The following GABRA4 variants were observed in gnomAD, a reference collection of about 807,000 sequenced individuals.
GABRA4 encodes the protein gamma-aminobutyric acid receptor subunit alpha-4.
GABRA4 carries 12 observed loss-of-function variants against 49.7 expected under a neutral mutation model. The ratio of observed to expected loss-of-function variants is 0.24; its 90% CI spans 0.15 to 0.39. GABRA4 has a LOEUF of 0.39. GABRA4 is among the 10% of genes least tolerant of loss of function. GABRA4 has a pLI of 1.00. For synonymous variants in GABRA4, 288 were observed against 240.2 expected (o/e 1.20, Z -1.84); for missense variants, 506 against 686.0 (o/e 0.74, Z 2.93).
chr4:46,944,318 T>G (rs1419332590), intron 8 of GABRA4, among the ~76,000 whole-genome samples: 1 of 144,790 alleles, frequency 6.9e-6, no homozygotes, highest in South Asian at 2.3e-4. Flanking sequence ...TGTTAAGTAC[T>G]CCAACTTCTT....
At position 46,979,835 on chromosome 4, in the gene GABRA4, T is replaced by C. The variant is rs113306398; in HGVS notation, c.206-737A>G. The stretch of plus-strand genomic sequence containing the variant: ...GTGAGGTTCCCTTTGCTTCTGACAG[T>C]GGCCACTACTGAGACTGTTTCCCGT... On this transcript the variant is annotated intron_variant, in intron 2 of 8. Coordinates refer to ENST00000264318, the MANE Select transcript of GABRA4 (RefSeq NM_000809.4). Among the ~76,000 whole-genome samples the C allele has an allele frequency of 6.2e-4, 95 of 152,246 alleles. 1 individual carries two copies. Among genetic ancestry groups the C allele is most frequent in the African/African-American group, 1.9e-3 (79 of 41,582 alleles).
rs1721185131 is a variant in GABRA4, at chr4:46,925,437, C to A, written c.*2788G>T. 1 of 151,822 alleles carries A rather than the reference C, an allele frequency of 6.6e-6. No homozygotes were observed. The highest frequency in any genetic ancestry group is 1.5e-5 in the Non-Finnish European group (1 of 67,856). 9.4% of individuals were successfully genotyped at this position (151,822 alleles called of 1,614,324 possible). On this transcript the variant is annotated 3_prime_UTR_variant, in exon 9 of 9. Coordinates refer to ENST00000264318, the MANE Select transcript of GABRA4 (RefSeq NM_000809.4). ...TAGTGGCCAACATGGACTGCAGATA[C>A]TAGGTCCTGAATAAAATTATTCTGA...
chr4:46,925,279 T>A lies in GABRA4; in HGVS notation c.*2946A>T, dbSNP rs920294827. ...TTAATACAAGATTTGTGAGGTCCAA[T>A]TTAAAATATACATTATTCAAAGTAC... On this transcript the variant is annotated 3_prime_UTR_variant, in exon 9 of 9. Coordinates refer to ENST00000264318, the MANE Select transcript of GABRA4 (RefSeq NM_000809.4). 5.3e-5 allele frequency: 8 copies of A among 151,990 alleles called. No individual in the cohort carries two copies. Among genetic ancestry groups the A allele is most frequent in the Non-Finnish European group, 1.0e-4 (7 of 67,878 alleles). The allele number at this position is 151,990 out of a possible 1,614,324, so 9.4% of individuals were successfully genotyped here.
rs961932387 is a variant in GABRA4, at chr4:46,927,067, T to C, written c.*1158A>G. ...TGGGGAAAGCACCTGAAAAAGCCTG[T>C]GCTCAGTTCCTATGTCTGATGATTC... On this transcript the variant is annotated 3_prime_UTR_variant, in exon 9 of 9. Coordinates refer to ENST00000264318, the MANE Select transcript of GABRA4 (RefSeq NM_000809.4). 6.6e-6 allele frequency: 1 copy of C among 152,000 alleles called. No individual in the cohort carries two copies. The highest frequency in any genetic ancestry group is 1.5e-5 in the Non-Finnish European group (1 of 67,916). The allele number at this position is 152,000 out of a possible 1,614,324, so 9.4% of individuals were successfully genotyped here.
Position 46,924,069 on chromosome 4 carries a change from A to G in GABRA4, c.*4156T>C. The G allele has an allele frequency of 6.6e-6, 1 of 152,084 alleles. No homozygotes were observed. Among genetic ancestry groups the G allele is most frequent in the East Asian group, 1.9e-4 (1 of 5,190 alleles). 9.4% of individuals were successfully genotyped at this position (152,084 alleles called of 1,614,324 possible). ...TCTATAAAATTTAGCTTAAGATTAT[A>G]TCTGTGAAACCTTCTCTGCTATCAC... On this transcript the variant is annotated 3_prime_UTR_variant, in exon 9 of 9. Transcript: ENST00000264318.
intron 7 of GABRA4, among the ~76,000 whole-genome samples, chr4:46,967,294 AC>A (rs1722796807): frequency 6.6e-6 from 1 of 151,640 alleles, no homozygotes; most frequent in Non-Finnish European, 1.5e-5. Context: ...TAGTGTGATA[AC>A]CAAAAAGGAT....
chr4:46,961,501 G>A (rs1192306393), intron 8 of GABRA4, among the ~76,000 whole-genome samples: 1 of 151,850 alleles, frequency 6.6e-6, no homozygotes, highest in Non-Finnish European at 1.5e-5. Flanking sequence ...CCACCTGGCA[G>A]GATATTTGTT....
chr4:46,946,544 T>TTTAGCA (rs1481090455), intron 8 of GABRA4, among the ~76,000 whole-genome samples: 1 of 152,072 alleles, frequency 6.6e-6, no homozygotes, highest in Admixed American at 6.6e-5. Context: ...CCCAATATAA[T>TTTAGCA]AGGGACTCCA....
chr4:46,964,946 C>T, intron 8 of GABRA4, 24 bp downstream of exon 8: 1 of 1,541,924 alleles, frequency 6.5e-7, no homozygotes, highest in Non-Finnish European at 8.7e-7. Flanking sequence ...AAATCTTAAA[C>T]TGAAGGTGGA....
rs1272648007 is a variant in GABRA4, at chr4:46,928,296, C to T, written c.1594G>A (p.Ala532Thr). The T allele has an allele frequency of 6.2e-7, 1 of 1,613,218 alleles. No individual in the cohort carries two copies. Among genetic ancestry groups the T allele is most frequent in the Admixed American group, 1.7e-5 (1 of 59,898 alleles). The change falls in exon 9 of 9, where the codon GCA (alanine) becomes ACA (threonine). Residue 532 changes from alanine (A) to threonine (T), a missense_variant. By Grantham distance (58) the Ala-to-Thr change is moderately conservative. Coordinates refer to ENST00000264318, the MANE Select transcript of GABRA4 (RefSeq NM_000809.4). Reference sequence around the variant, plus strand: ...ACAACCCAATAAACCATGTTAAATGCCCCAAATGTGACTGGAAAGAGAATA... The same window carrying T: ...ACAACCCAATAAACCATGTTAAATGTCCCAAATGTGACTGGAAAGAGAATA... Reference protein sequence around the residue: ...ARILFPVTFGAFNMVYWVVYL... With the variant: ...ARILFPVTFGTFNMVYWVVYL...
intron 8 of GABRA4, among the ~76,000 whole-genome samples, chr4:46,946,812 C>T (rs1451376985): frequency 6.6e-6 from 1 of 152,044 alleles, no homozygotes; most frequent in Non-Finnish European, 1.5e-5. Flanking sequence ...ACACAAATTT[C>T]TTAAGTCATC....
chr4:46,992,740 T>C, intron 2 of GABRA4, 88 bp downstream of exon 2: 1 of 939,894 alleles, frequency 1.1e-6, no homozygotes, highest in Admixed American at 1.7e-5. Flanking sequence ...ACGTGAGGCA[T>C]ACCTAATGAT....
intron 6 of GABRA4, among the ~76,000 whole-genome samples, chr4:46,971,640 CACTG>C (rs1722950388): frequency 6.6e-6 from 1 of 151,244 alleles, no homozygotes; most frequent in African/African-American, 2.4e-5. Context: ...CATACACAGA[CACTG>C]ACACATACAC....
chr4:46,966,712 G>A (rs1025654454), intron 7 of GABRA4, among the ~76,000 whole-genome samples: 4 of 151,610 alleles, frequency 2.6e-5, no homozygotes, highest in African/African-American at 9.7e-5. Context: ...TCAATGCTTA[G>A]AACATGAAAA....
intron 2 of GABRA4, among the ~76,000 whole-genome samples, chr4:46,988,393 CAAAT>C (rs947752836): frequency 1.3e-5 from 2 of 152,100 alleles, no homozygotes; most frequent in Admixed American, 6.6e-5. Context: ...ATAGGTTTCA[CAAAT>C]GAATGAATGA....
At chr4:46,951,819 TA>T (rs1722184845) in intron 8 of GABRA4, among the ~76,000 whole-genome samples, 1 of 151,530 alleles carries the variant, frequency 6.6e-6, no homozygotes, top group South Asian at 2.1e-4. Context: ...TGTGTGTACA[TA>T]TATATATAAT....
At chr4:46,946,691 G>T (rs1355161418) in intron 8 of GABRA4, among the ~76,000 whole-genome samples, 2 of 152,050 alleles carry the variant, frequency 1.3e-5, no homozygotes, top group Non-Finnish European at 2.9e-5. Flanking sequence ...ACAACGCCTG[G>T]CACAAATTAG....
At chr4:46,954,335 T>C (rs752226113) in intron 8 of GABRA4, among the ~76,000 whole-genome samples, 13 of 152,032 alleles carry the variant, frequency 8.6e-5, no homozygotes, top group Non-Finnish European at 1.9e-4. Context: ...GGCTGGTGGA[T>C]CACCTGAGGT....
chr4:46,935,977 C>T (rs1721590219), intron 8 of GABRA4, among the ~76,000 whole-genome samples: 1 of 152,008 alleles, frequency 6.6e-6, no homozygotes, highest in Non-Finnish European at 1.5e-5. Flanking sequence ...TAGAGTAAAC[C>T]TTATAACTTA....
Sources: gnomAD v4.1 joint callset for allele counts (sites outside exome capture counted in the v4.1 genomes callset) on GRCh38, gnomAD v4.1.1 for gene constraint, MANE v1.5 for transcripts, NCBI Gene and HGNC (gene_info 2026-07-23, HGNC 2026-07-21) for gene names.